The following RANBP2 variants were observed in gnomAD, a reference collection of about 807,000 sequenced individuals.
RANBP2 encodes the protein E3 SUMO-protein ligase RanBP2.
RANBP2 carries 57 observed loss-of-function variants against 303.6 expected under a neutral mutation model. That is an observed-to-expected ratio of 0.19 (90% CI 0.15 to 0.23). RANBP2 has a LOEUF of 0.23. Ranked by LOEUF, RANBP2 falls within the 10% of genes least tolerant of loss-of-function variation. The pLI, the probability that RANBP2 is intolerant of heterozygous loss-of-function variation, is 1.00. For synonymous variants in RANBP2, 1,167 were observed against 1,301.5 expected (o/e 0.90, Z 2.23); for missense variants, 3,138 against 3,780.8 (o/e 0.83, Z 4.46).
At chr2:109,064,406 A>T in the RANBP2 span, among the ~76,000 whole-genome samples, 1 of 138,808 alleles carries the variant, frequency 7.2e-6, no homozygotes, top group African/African-American at 2.7e-5. Flanking sequence ...CAGTGAGCTG[A>T]GATCACGCCA....
At chr2:109,199,108 C>G in the RANBP2 span, among the ~76,000 whole-genome samples, 2 of 151,898 alleles carry the variant, frequency 1.3e-5, no homozygotes, top group African/African-American at 4.8e-5. Flanking sequence ...GCCTGTAATC[C>G]CAGCACTTTG....
chr2:109,317,898 G>T, the RANBP2 span, among the ~76,000 whole-genome samples: 47,321 of 140,176 alleles, frequency 0.34, 9,134 homozygotes, highest in African/African-American at 0.55. Context: ...GATGTATGTG[G>T]CCAGCAGCAG....
At chr2:108,843,865 TG>T in the RANBP2 span, among the ~76,000 whole-genome samples, 9 of 140,660 alleles carry the variant, frequency 6.4e-5, no homozygotes, top group South Asian at 2.4e-4. Flanking sequence ...TGTGTGTGTG[TG>T]TGTGTGTGTG....
chr2:109,572,161 C>T, the RANBP2 span, among the ~76,000 whole-genome samples: 41 of 152,196 alleles, frequency 2.7e-4, no homozygotes, highest in South Asian at 1.2e-3. Flanking sequence ...GATGGAGTCT[C>T]GCTCTGTCGC....
the RANBP2 span, chr2:109,544,714 TAATA>T: frequency 1.2e-6 from 1 of 842,132 alleles, no homozygotes; most frequent in Non-Finnish European, 1.4e-6. Context: ...TGAAAAGCAG[TAATA>T]AATTTATAGT....
the RANBP2 span, among the ~76,000 whole-genome samples, chr2:108,893,804 T>A: frequency 6.6e-6 from 1 of 152,154 alleles, no homozygotes; most frequent in Non-Finnish European, 1.5e-5. Flanking sequence ...CCACCCTTAT[T>A]ATCCTTGTAG....
the RANBP2 span, among the ~76,000 whole-genome samples, chr2:109,497,866 G>A: frequency 6.6e-6 from 1 of 152,234 alleles, no homozygotes; most frequent in Non-Finnish European, 1.5e-5. Context: ...GCCAAAACTT[G>A]CATTCAAAGT....
the RANBP2 span, among the ~76,000 whole-genome samples, chr2:109,734,030 T>G: frequency 1.3e-5 from 2 of 151,470 alleles, no homozygotes; most frequent in African/African-American, 4.9e-5. Flanking sequence ...AATGCAAAAA[T>G]TAGTCTGGCA....
the RANBP2 span, among the ~76,000 whole-genome samples, chr2:109,206,219 G>A: frequency 1.3e-5 from 2 of 152,166 alleles, no homozygotes; most frequent in East Asian, 3.9e-4. Context: ...GGCCGGGCAC[G>A]GTGGCTCACG....
intron 9 of RANBP2, among the ~76,000 whole-genome samples, chr2:108,750,777 C>T (rs1271631065): frequency 3.3e-5 from 5 of 152,084 alleles, no homozygotes; most frequent in Non-Finnish European, 5.9e-5. Context: ...TTAGTAGAGA[C>T]GGAGTTTCAC....
At chr2:109,505,932 C>T in the RANBP2 span, among the ~76,000 whole-genome samples, 1 of 152,210 alleles carries the variant, frequency 6.6e-6, no homozygotes, top group Non-Finnish European at 1.5e-5. Flanking sequence ...GCCGTCCCAG[C>T]CAGCTTGCCA....
At chr2:109,359,810 G>A in the RANBP2 span, among the ~76,000 whole-genome samples, 1 of 152,134 alleles carries the variant, frequency 6.6e-6, no homozygotes, top group African/African-American at 2.4e-5. Flanking sequence ...CCCTTCAGCT[G>A]TGATATTTAT....
At chr2:109,500,430 T>C in the RANBP2 span, among the ~76,000 whole-genome samples, 2 of 152,108 alleles carry the variant, frequency 1.3e-5, no homozygotes, top group African/African-American at 2.4e-5. Context: ...GCGGAGGCCA[T>C]GCAGGGAAGA....
At chr2:109,234,019 T>C in the RANBP2 span, among the ~76,000 whole-genome samples, 1 of 152,200 alleles carries the variant, frequency 6.6e-6, no homozygotes, top group African/African-American at 2.4e-5. Context: ...AACATTGACA[T>C]GAAGGTTTTT....
At chr2:109,142,667 G>A in the RANBP2 span, among the ~76,000 whole-genome samples, 1 of 152,174 alleles carries the variant, frequency 6.6e-6, no homozygotes, top group South Asian at 2.1e-4. Flanking sequence ...CTCCATCCTG[G>A]AGTCACCTGT....
the RANBP2 span, among the ~76,000 whole-genome samples, chr2:109,553,911 C>A: frequency 6.6e-6 from 1 of 151,688 alleles, no homozygotes; most frequent in East Asian, 1.9e-4. Flanking sequence ...TCACCTAATG[C>A]CATCAATAGG....
At chr2:108,813,895 C>T in the RANBP2 span, among the ~76,000 whole-genome samples, 3 of 152,260 alleles carry the variant, frequency 2.0e-5, no homozygotes, top group Middle Eastern at 3.4e-3. Flanking sequence ...AGGCTTTTCT[C>T]AGCATAATTA....
At chr2:109,594,932 G>A in the RANBP2 span, 1 of 151,800 alleles carries the variant, frequency 6.6e-6, no homozygotes, top group Non-Finnish European at 1.5e-5. Flanking sequence ...CCGTCACCCA[G>A]GCTGGAGTGC....
At chr2:108,845,217 A>AT in the RANBP2 span, among the ~76,000 whole-genome samples, 1 of 151,994 alleles carries the variant, frequency 6.6e-6, no homozygotes, top group Admixed American at 6.6e-5. Flanking sequence ...AAAAACATGT[A>AT]TTTTTTTTCT....
Sources: gnomAD v4.1 joint callset for allele counts (sites outside exome capture counted in the v4.1 genomes callset) on GRCh38, gnomAD v4.1.1 for gene constraint, MANE v1.5 for transcripts, NCBI Gene and HGNC (gene_info 2026-07-23, HGNC 2026-07-21) for gene names.